The following IDO2 variants were observed in gnomAD, a reference collection of about 807,000 sequenced individuals.
The protein encoded by IDO2 is indoleamine 2,3-dioxygenase-like 1 protein.
In IDO2, 46 loss-of-function variants were observed where a neutral mutation model predicts 45.1. That is an observed-to-expected ratio of 1.02 (90% CI 0.80 to 1.30). IDO2 has a LOEUF of 1.30. Ranked by LOEUF, IDO2 falls within the 50% of genes most tolerant of loss-of-function variation. The probability of loss-of-function intolerance (pLI) is 0.00; values close to 1 mark genes in which losing one functional copy is unlikely to be tolerated. For missense variants in IDO2, 544 were observed against 491.8 expected, an observed-to-expected ratio of 1.11 and a Z score of -1.00; for synonymous variants, 218 against 184.9, an observed-to-expected ratio of 1.18 and a Z score of -1.45.
At chr8:39,963,736 G>T in intron 3 of IDO2, 33 bp downstream of exon 3, 1 of 1,272,520 alleles carries the variant, frequency 7.9e-7, no homozygotes, top group East Asian at 2.3e-5. Flanking sequence ...ATCACATTCT[G>T]TTTTCATCAT....
At chr8:40,006,348 A>G (rs1802220623) in intron 9 of IDO2, among the ~76,000 whole-genome samples, 2 of 152,228 alleles carry the variant, frequency 1.3e-5, no homozygotes, top group South Asian at 4.1e-4. Context: ...CTGTGGGCTA[A>G]TGTAAGTGTT....
chr8:40,015,471 G>A (rs753026543), exon 11 of IDO2: 6 of 1,613,862 alleles, frequency 3.7e-6, no homozygotes, highest in Non-Finnish European at 4.2e-6. Flanking sequence ...GGCAAAGCAT[G>A]GGAAGCCAAA....
chr8:39,935,903 T>A (rs1181484507), intron 1 of IDO2, among the ~76,000 whole-genome samples: 1 of 152,218 alleles, frequency 6.6e-6, no homozygotes, highest in Non-Finnish European at 1.5e-5. Flanking sequence ...ATACCTTCTT[T>A]AACTATGTGC....
intron 3 of IDO2, among the ~76,000 whole-genome samples, chr8:39,968,999 A>C (rs940876053): frequency 5.3e-5 from 8 of 152,212 alleles, no homozygotes; most frequent in Admixed American, 2.6e-4. Flanking sequence ...TACTCCAGAA[A>C]ATAGTGTTGT....
At chr8:39,962,926 A>C (rs983984531) in intron 2 of IDO2, among the ~76,000 whole-genome samples, 29 of 152,252 alleles carry the variant, frequency 1.9e-4, no homozygotes, top group African/African-American at 5.8e-4. Context: ...TTCAGAAAGA[A>C]TCAATCGGGA....
chr8:39,982,155 G>C (rs1399751972), intron 4 of IDO2, among the ~76,000 whole-genome samples: 1 of 151,604 alleles, frequency 6.6e-6, no homozygotes, highest in Non-Finnish European at 1.5e-5. Flanking sequence ...TCTGTCTACT[G>C]ATCTATCATC....
chr8:39,936,528 A>G (rs1160037824), intron 1 of IDO2, among the ~76,000 whole-genome samples: 1 of 152,238 alleles, frequency 6.6e-6, no homozygotes, highest in Non-Finnish European at 1.5e-5. Context: ...GAAGCCATAT[A>G]TCTGCCCTGA....
At chr8:39,967,262 C>T (rs1808099877) in intron 3 of IDO2, among the ~76,000 whole-genome samples, 1 of 151,974 alleles carries the variant, frequency 6.6e-6, no homozygotes, top group Admixed American at 6.6e-5. Flanking sequence ...AAACTTCCAA[C>T]ATATAAGCAC....
chr8:40,001,634 T>A (rs1256220330), intron 8 of IDO2, among the ~76,000 whole-genome samples: 1 of 152,112 alleles, frequency 6.6e-6, no homozygotes, highest in Non-Finnish European at 1.5e-5. Flanking sequence ...TGATTTTTGT[T>A]AATTGTATGT....
At chr8:39,985,092 C>A in intron 5 of IDO2, 1 of 301,620 alleles carries the variant, frequency 3.3e-6, no homozygotes, top group South Asian at 2.9e-5. Flanking sequence ...CCACCACACC[C>A]GACTAATTTT....
At chr8:40,013,034 C>A (rs2129595613) in intron 9 of IDO2, among the ~76,000 whole-genome samples, 1 of 152,232 alleles carries the variant, frequency 6.6e-6, no homozygotes, top group South Asian at 2.1e-4. Context: ...GTGATGACTT[C>A]TTAACAATTA....
intron 3 of IDO2, among the ~76,000 whole-genome samples, chr8:39,966,420 G>T (rs1001618308): frequency 1.3e-5 from 2 of 152,212 alleles, no homozygotes; most frequent in African/African-American, 4.8e-5. Context: ...AACAGGAATT[G>T]TTTGTGAGAA....
chr8:39,959,133 A>G (rs1472136878), intron 2 of IDO2, among the ~76,000 whole-genome samples: 1 of 148,582 alleles, frequency 6.7e-6, no homozygotes, highest in Non-Finnish European at 1.5e-5. Context: ...TTTTTGAGAC[A>G]GTGTCTCGCT....
chr8:39,996,758 C>T (rs116252524), intron 8 of IDO2, among the ~76,000 whole-genome samples: 113 of 152,200 alleles, frequency 7.4e-4, no homozygotes, highest in African/African-American at 2.7e-3. Context: ...TACTTGAAGA[C>T]ACGGTTTGAA....
intron 3 of IDO2, among the ~76,000 whole-genome samples, chr8:39,970,038 A>C (rs1307156350): frequency 6.6e-6 from 1 of 152,232 alleles, no homozygotes; most frequent in Non-Finnish European, 1.5e-5. Context: ...ACTCCAGTGA[A>C]CATACGAATG....
chr8:40,015,962 T>C, exon 11 of IDO2: 2 of 319,238 alleles, frequency 6.3e-6, no homozygotes, highest in Admixed American at 1.1e-4. Context: ...TTGTTGATTT[T>C]CTTAAAAAAC....
intron 3 of IDO2, among the ~76,000 whole-genome samples, chr8:39,975,652 A>G (rs1160482698): frequency 6.6e-6 from 1 of 152,172 alleles, no homozygotes; most frequent in Non-Finnish European, 1.5e-5. Flanking sequence ...GGAATATAAA[A>G]CACCTGAATC....
chr8:39,972,551 A>G (rs1025057698), intron 3 of IDO2, among the ~76,000 whole-genome samples: 1 of 136,804 alleles, frequency 7.3e-6, no homozygotes, highest in African/African-American at 2.8e-5. Context: ...CAGAGGTTGC[A>G]GTGAGTCAAG....
chr8:39,982,964 G>A (rs1808375779), intron 5 of IDO2, among the ~76,000 whole-genome samples, 194 bp downstream of exon 5: 1 of 152,194 alleles, frequency 6.6e-6, no homozygotes, highest in Non-Finnish European at 1.5e-5. Context: ...CATTGGCTCA[G>A]ACCATTTTGT....
Sources: allele counts gnomAD v4.1 joint callset (sites outside exome capture counted in the v4.1 genomes callset), GRCh38; gene constraint gnomAD v4.1.1; transcripts MANE v1.5; gene names NCBI Gene and HGNC (gene_info 2026-07-23, HGNC 2026-07-21).